The following PCDH15 variants were observed in gnomAD, a reference collection of about 807,000 sequenced individuals.
The protein encoded by PCDH15 is protocadherin-15.
PCDH15 carries 129 observed loss-of-function variants against 178.5 expected under a neutral mutation model. That is an observed-to-expected ratio of 0.72 (90% CI 0.63 to 0.84). The LOEUF is 0.84. PCDH15 is among the 40% of genes least tolerant of loss of function. The probability of loss-of-function intolerance (pLI) is 0.00; values close to 1 mark genes in which losing one functional copy is unlikely to be tolerated. For synonymous variants in PCDH15, 800 were observed against 732.0 expected (o/e 1.09, Z -1.50); for missense variants, 2,230 against 2,099.9 (o/e 1.06, Z -1.21).
At chr10:54,196,886 C>A (rs895364173) in intron 10 of PCDH15, among the ~76,000 whole-genome samples, 6 of 152,106 alleles carry the variant, frequency 3.9e-5, no homozygotes, top group Admixed American at 6.6e-5. Context: ...TCACTAGAAA[C>A]CAAATTTACA....
At chr10:54,194,693 T>TA (rs568193466) in intron 11 of PCDH15, among the ~76,000 whole-genome samples, 2 of 151,538 alleles carry the variant, frequency 1.3e-5, no homozygotes, top group African/African-American at 4.9e-5. Flanking sequence ...TCTATCTATA[T>TA]CTGTATGTGT....
chr10:53,989,673 G>GA (rs1253428075), intron 21 of PCDH15, among the ~76,000 whole-genome samples: 1 of 151,990 alleles, frequency 6.6e-6, no homozygotes, highest in Admixed American at 6.6e-5. Context: ...ATGTTAAGGG[G>GA]AAAAAAAGCA....
At chr10:54,725,894 A>T (rs1260790330) in intron 1 of PCDH15, among the ~76,000 whole-genome samples, 1 of 147,974 alleles carries the variant, frequency 6.8e-6, no homozygotes, top group Admixed American at 6.8e-5. Context: ...CTGGTAAAAA[A>T]AAATTACTGC....
rs188074242 is a variant in PCDH15, at chr10:54,303,960, T to C, written c.876+13311A>G. On this transcript the variant is annotated intron_variant, in intron 8 of 37. Transcript: ENST00000644397. ...TGTGAAAATGTCACCTTAAAAGCAATTTTTTAAGAAACAAGTGCTGTTTCA... is the reference window on the plus strand; with the variant it reads ...TGTGAAAATGTCACCTTAAAAGCAACTTTTTAAGAAACAAGTGCTGTTTCA... 2.6e-5 allele frequency among the ~76,000 whole-genome samples: 4 copies of C among 152,244 alleles called. No homozygotes were observed. In the East Asian group the frequency reaches 7.7e-4, roughly 29 times the overall value.
At position 54,241,738 on chromosome 10, in the gene PCDH15, T is replaced by G. The variant is rs540140124; in HGVS notation, c.877-4807A>C. 9.8e-4 allele frequency among the ~76,000 whole-genome samples: 149 copies of G among 152,166 alleles called. 1 individual carries two copies. The highest frequency in any genetic ancestry group is 9.1e-3 in the Admixed American group (139 of 15,290). ...AACTGTCAGAGCTACATTCCCTGTC[T>G]TAGTCATGGGGACACATAAGTAAAG... On this transcript the variant is annotated intron_variant, in intron 8 of 37. Transcript: ENST00000644397.
chr10:55,362,488 C>T (rs1002521339), intron 2 of PCDH15, among the ~76,000 whole-genome samples: 7 of 152,088 alleles, frequency 4.6e-5, no homozygotes, highest in South Asian at 2.1e-4. Flanking sequence ...TCTAGACAAA[C>T]TTGGAGAAAA....
intron 4 of PCDH15, among the ~76,000 whole-genome samples, chr10:54,375,568 T>A (rs1421103204): frequency 1.3e-5 from 2 of 151,988 alleles, no homozygotes; most frequent in African/African-American, 2.4e-5. Flanking sequence ...ATAACTTTGA[T>A]TAAAATCAGA....
At chr10:53,809,196 C>T (rs767998740) in intron 37 of PCDH15, 9 of 1,613,946 alleles carry the variant, frequency 5.6e-6, no homozygotes, top group Non-Finnish European at 6.8e-6. Context: ...TAGTCTCAGA[C>T]TCACTGAACT....
At chr10:55,550,498 G>C (rs946625426) in intron 2 of PCDH15, among the ~76,000 whole-genome samples, 1 of 152,100 alleles carries the variant, frequency 6.6e-6, no homozygotes, top group Admixed American at 6.6e-5. Context: ...GCATGCCCTT[G>C]AGCACGAAGG....
Position 53,813,512 on chromosome 10 carries a change from A to G in PCDH15, c.4492-1893T>C, listed in dbSNP as rs919185149. Reference sequence around the variant, plus strand: ...AGCTAAAACTCTCATCTAAGTCTGGAGAGATTATTACTTGGTAAAACTTTT... The same window carrying G: ...AGCTAAAACTCTCATCTAAGTCTGGGGAGATTATTACTTGGTAAAACTTTT... On this transcript the variant is annotated intron_variant, in intron 35 of 37. Transcript: ENST00000644397. 3.9e-5 allele frequency among the ~76,000 whole-genome samples: 6 copies of G among 152,194 alleles called. No individual in the cohort carries two copies. In the East Asian group the frequency reaches 1.2e-3, roughly 29 times the overall value.
At chr10:54,439,929 C>T (rs556764268) in intron 3 of PCDH15, among the ~76,000 whole-genome samples, 90 of 152,118 alleles carry the variant, frequency 5.9e-4, no homozygotes, top group African/African-American at 1.7e-3. Context: ...ATATGAACTA[C>T]GAATAGATTT....
intron 2 of PCDH15, among the ~76,000 whole-genome samples, chr10:54,587,809 C>A (rs2133888432): frequency 6.6e-6 from 1 of 151,874 alleles, no homozygotes; most frequent in South Asian, 2.1e-4. Flanking sequence ...GTATAGCAAA[C>A]AAATGAAAAT....
chr10:54,220,792 T>G (rs1200423775), intron 9 of PCDH15, among the ~76,000 whole-genome samples: 1 of 151,372 alleles, frequency 6.6e-6, no homozygotes, highest in Admixed American at 6.6e-5. Flanking sequence ...GCCACTGCAC[T>G]CCAGCCTGGG....
chr10:54,126,110 G>T (rs1366982247), intron 15 of PCDH15, among the ~76,000 whole-genome samples: 1 of 148,860 alleles, frequency 6.7e-6, no homozygotes, highest in Non-Finnish European at 1.5e-5. Context: ...TCGCTCTGTG[G>T]CCCAGGCTGG....
intron 2 of PCDH15, among the ~76,000 whole-genome samples, chr10:55,134,783 T>G (rs1010195333): frequency 2.6e-5 from 4 of 152,196 alleles, no homozygotes; most frequent in Non-Finnish European, 4.4e-5. Flanking sequence ...CAGCAGCGAT[T>G]GAGTGTTTAT....
chr10:55,402,654 C>T (rs948583086), intron 2 of PCDH15, among the ~76,000 whole-genome samples: 3 of 151,920 alleles, frequency 2.0e-5, no homozygotes, highest in African/African-American at 7.2e-5. Context: ...GACAGGATTT[C>T]ATTAATTTTT....
At chr10:53,811,453 AT>A in intron 36 of PCDH15, 95 bp downstream of exon 36, 1 of 764,334 alleles carries the variant, frequency 1.3e-6, no homozygotes, top group Non-Finnish European at 2.0e-6. Context: ...TCGACATGAC[AT>A]TAAAAACAAA....
At chr10:54,225,247 G>A (rs1591284825) in intron 9 of PCDH15, among the ~76,000 whole-genome samples, 3 of 152,172 alleles carry the variant, frequency 2.0e-5, no homozygotes, top group African/African-American at 7.2e-5. Flanking sequence ...CTGAATTCTT[G>A]TATCCTTTAA....
chr10:55,094,277 A>G (rs1842391918), intron 2 of PCDH15, among the ~76,000 whole-genome samples: 1 of 152,050 alleles, frequency 6.6e-6, no homozygotes, highest in Non-Finnish European at 1.5e-5. Context: ...CATTCTGAGC[A>G]AACTATCGCA....
Sources: gnomAD v4.1 joint callset for allele counts (sites outside exome capture counted in the v4.1 genomes callset) on GRCh38, gnomAD v4.1.1 for gene constraint, MANE v1.5 for transcripts, NCBI Gene and HGNC (gene_info 2026-07-23, HGNC 2026-07-21) for gene names.